The following PDPK1 variants were observed in gnomAD, a reference collection of about 807,000 sequenced individuals.
PDPK1 encodes the protein 3-phosphoinositide-dependent protein kinase 1.
PDPK1 carries 7 observed loss-of-function variants against 39.8 expected under a neutral mutation model. The observed-to-expected ratio is 0.18, with a 90% CI of 0.10 to 0.33. The LOEUF (loss-of-function observed/expected upper bound fraction) is 0.33. Among genes scored for constraint, PDPK1 ranks in the 10% least tolerant of loss-of-function variants. The pLI, the probability that PDPK1 is intolerant of heterozygous loss-of-function variation, is 1.00. For missense variants in PDPK1, 182 were observed against 384.7 expected (o/e 0.47, Z 4.41); for synonymous variants, 118 against 159.1 (o/e 0.74, Z 1.95).
rs550576606 is a variant in PDPK1 at position 2,598,993 on chromosome 16, C to T, written c.*1226C>T. On this transcript the variant is annotated 3_prime_UTR_variant, in exon 14 of 14. Transcript: ENST00000342085. ...GCTGTTGCACAGGAGGCGAGAACAG[C>T]ACACTTCAACCCCAGCTTGCTGGTC... 1 of 233,344 alleles carries T rather than the reference C, an allele frequency of 4.3e-6. No homozygotes were observed. The highest frequency in any genetic ancestry group is 2.2e-5 in the African/African-American group (1 of 45,478). The allele number at this position is 233,344 out of a possible 1,614,324, so 14.5% of individuals were successfully genotyped here.
At chr16:2,595,767 C>T (rs1176994163) in intron 11 of PDPK1, 26 bp from the exon 12 acceptor site, 2 of 1,569,312 alleles carry the variant, frequency 1.3e-6, no homozygotes, top group East Asian at 4.5e-5. Flanking sequence ...GTCATGGGAG[C>T]ATCTCTTTCT....
At chr16:2,587,464 C>CT (rs1369814481) in intron 11 of PDPK1, among the ~76,000 whole-genome samples, 1 of 152,090 alleles carries the variant, frequency 6.6e-6, no homozygotes, top group Non-Finnish European at 1.5e-5. Context: ...ATTTGTGTTT[C>CT]TTTTTTGAGG....
intron 11 of PDPK1, among the ~76,000 whole-genome samples, chr16:2,594,819 A>G (rs1031745311): frequency 6.6e-6 from 1 of 152,074 alleles, no homozygotes; most frequent in African/African-American, 2.4e-5. Flanking sequence ...CATCTCTACT[A>G]AAAATACAAA....
rs748585190 is a variant in PDPK1, at chr16:2,597,816, C to T, written c.*49C>T. 70 of 1,332,704 alleles carry T rather than the reference C, an allele frequency of 5.3e-5. No homozygotes were observed. In the East Asian group the frequency reaches 6.0e-4, roughly 11 times the overall value. 82.6% of individuals were successfully genotyped at this position (1,332,704 alleles called of 1,614,324 possible). A position where few individuals can be genotyped will look rare whatever the true frequency, so the allele number is the denominator to read the frequency against. ...TTCGCTGCCAGGACACCTGCCCCAGCGCGGCTTGGCCGCCATCCGGGACGC... is the reference window on the plus strand; with the variant it reads ...TTCGCTGCCAGGACACCTGCCCCAGTGCGGCTTGGCCGCCATCCGGGACGC... On this transcript the variant is annotated 3_prime_UTR_variant, in exon 14 of 14. Transcript: ENST00000342085. This position sits in a 1 kb window ranked among gnomAD's most constrained non-coding sequence, Gnocchi z 6.3.
rs1200077854 is a variant in PDPK1, at chr16:2,602,947, CGTT to C, written c.*5186_*5188del. On this transcript the variant is annotated 3_prime_UTR_variant, in exon 14 of 14. Coordinates refer to ENST00000342085, the MANE Select transcript of PDPK1 (RefSeq NM_002613.5). ...TGAATTGAATTCATGTTCGGGGCCA[CGTT>C]GTTGTATGTATTGATGTACAGCCTT... 12 of 231,840 alleles carry C rather than the reference CGTT, an allele frequency of 5.2e-5. No individual in the cohort carries two copies. The highest frequency in any genetic ancestry group is 1.1e-4 in the Admixed American group (2 of 17,716). 14.4% of individuals were successfully genotyped at this position (231,840 alleles called of 1,614,324 possible).
chr16:2,588,499 A>C (rs1175226450), intron 11 of PDPK1, among the ~76,000 whole-genome samples: 1 of 152,076 alleles, frequency 6.6e-6, no homozygotes, highest in Non-Finnish European at 1.5e-5. Flanking sequence ...TGTGTGTTTC[A>C]GCTCCTTTGG....
rs551293304 is a variant in PDPK1 at position 2,597,719 on chromosome 16, G to A, written c.1623G>A (p.Glu541=). ...ACAAGTGGTGCAGGAAGATCCAGGAGGTTTGGAGGCAGCGATACCAGAGCC... is the reference window on the plus strand; with the variant it reads ...ACAAGTGGTGCAGGAAGATCCAGGAAGTTTGGAGGCAGCGATACCAGAGCC... ...NAHKWCRKIQ[E]VWRQRYQSHP... The change falls in exon 14 of 14, where the codon GAG becomes GAA. Residue 541 remains glutamate (E), a synonymous_variant. Transcript: ENST00000342085. The surrounding 1 kb of genome is among the most constrained non-coding windows in gnomAD (Gnocchi z 6.3). 2 of 1,613,694 alleles carry A rather than the reference G, an allele frequency of 1.2e-6. No individual in the cohort carries two copies. The highest frequency in any genetic ancestry group is 1.7e-6 in the Non-Finnish European group (2 of 1,180,012).
chr16:2,592,862 C>A (rs1405014192), intron 11 of PDPK1: 1 of 456,636 alleles, frequency 2.2e-6, no homozygotes, highest in Non-Finnish European at 4.4e-6. Flanking sequence ...CATTGTCTCT[C>A]TCAGGGGATG....
chr16:2,595,696 A>G (rs2067087044), intron 11 of PDPK1, 97 bp from the exon 12 acceptor site: 7 of 946,418 alleles, frequency 7.4e-6, no homozygotes, highest in Non-Finnish European at 1.2e-5. Context: ...TGTGAGGGGC[A>G]GGCCGAGGCT....
chr16:2,546,032 G>T (rs1429704039), intron 1 of PDPK1, among the ~76,000 whole-genome samples: 2 of 152,064 alleles, frequency 1.3e-5, no homozygotes, highest in Admixed American at 1.3e-4. Flanking sequence ...TGTTAGATTA[G>T]GTTCAGGCTA....
chr16:2,544,081 G>C (rs946817769), intron 1 of PDPK1, among the ~76,000 whole-genome samples: 1 of 152,070 alleles, frequency 6.6e-6, no homozygotes, highest in African/African-American at 2.4e-5. Context: ...AAAAAAGTCT[G>C]TGCATGTTCA....
At position 2,600,946 on chromosome 16, in the gene PDPK1, A is replaced by G. The variant is rs2067204258; in HGVS notation, c.*3179A>G. ...ATTTTAAGCATTTTCCCATGTCATG[A>G]GTTTCTCAGAAACATGTTTTTAACA... On this transcript the variant is annotated 3_prime_UTR_variant, in exon 14 of 14. Coordinates refer to ENST00000342085, the MANE Select transcript of PDPK1 (RefSeq NM_002613.5). 1 of 227,346 alleles carries G rather than the reference A, an allele frequency of 4.4e-6. No homozygotes were observed. The highest frequency in any genetic ancestry group is 2.3e-5 in the African/African-American group (1 of 42,766). 14.1% of individuals were successfully genotyped at this position (227,346 alleles called of 1,614,324 possible). A position where few individuals can be genotyped will look rare whatever the true frequency, so the allele number is the denominator to read the frequency against.
intron 1 of PDPK1, chr16:2,538,853 A>G (rs564733995): frequency 9.3e-5 from 92 of 989,768 alleles, no homozygotes; most frequent in Middle Eastern, 3.8e-4. Context: ...TGGTGTTTCT[A>G]TATTTTCTCT....
chr16:2,598,509 G>A lies in PDPK1; in HGVS notation c.*742G>A, dbSNP rs1438155842. On this transcript the variant is annotated 3_prime_UTR_variant, in exon 14 of 14. Coordinates refer to ENST00000342085, the MANE Select transcript of PDPK1 (RefSeq NM_002613.5). Reference sequence around the variant, plus strand: ...TCCGGATCCCTTATCCTACTTAGCAGTGTTGGTCTCTGGGGCTGGAAGCCG... The same window carrying A: ...TCCGGATCCCTTATCCTACTTAGCAATGTTGGTCTCTGGGGCTGGAAGCCG... 5 of 233,592 alleles carry A rather than the reference G, an allele frequency of 2.1e-5. No individual in the cohort carries two copies. Among genetic ancestry groups the A allele is most frequent in the Non-Finnish European group, 4.2e-5 (5 of 118,376 alleles). The allele number at this position is 233,592 out of a possible 1,614,324, so 14.5% of individuals were successfully genotyped here.
chr16:2,560,240 C>T (rs569366320), intron 2 of PDPK1, among the ~76,000 whole-genome samples: 4 of 152,308 alleles, frequency 2.6e-5, no homozygotes, highest in South Asian at 2.1e-4. Flanking sequence ...TATCGGTGCT[C>T]GTTCACAATT....
At chr16:2,587,004 C>A in intron 11 of PDPK1, 111 bp downstream of exon 11, 1 of 927,984 alleles carries the variant, frequency 1.1e-6, no homozygotes. Context: ...CAGCCTTGGA[C>A]GCTTGGCCAA....
Position 2,597,999 on chromosome 16 carries a change from G to C in PDPK1, c.*232G>C, listed in dbSNP as rs995184591. On this transcript the variant is annotated 3_prime_UTR_variant, in exon 14 of 14. Coordinates refer to ENST00000342085, the MANE Select transcript of PDPK1 (RefSeq NM_002613.5). The surrounding 1 kb of genome is among the most constrained non-coding windows in gnomAD (Gnocchi z 6.3). ...TTCAGGGTCGCTTTGCTTGCTCTCT[G>C]TGCTCCGTGGAGGCCTCCGTGTGCC... 4 of 553,508 alleles carry C rather than the reference G, an allele frequency of 7.2e-6. No homozygotes were observed. Among genetic ancestry groups the C allele is most frequent in the Admixed American group, 3.2e-5 (1 of 31,442 alleles). 34.3% of individuals were successfully genotyped at this position (553,508 alleles called of 1,614,324 possible).
At position 2,602,512 on chromosome 16, in the gene PDPK1, T is replaced by C. The variant is rs892913355; in HGVS notation, c.*4745T>C. 17 of 234,814 alleles carry C rather than the reference T, an allele frequency of 7.2e-5. No individual in the cohort carries two copies. The highest frequency in any genetic ancestry group is 1.1e-4 in the Admixed American group (2 of 17,790). 14.5% of individuals were successfully genotyped at this position (234,814 alleles called of 1,614,324 possible). A position where few individuals can be genotyped will look rare whatever the true frequency, so the allele number is the denominator to read the frequency against. ...CTTTTTACAAAAGGCAGACCTTTTT[T>C]AAGCTGTGTAACCCACATAGCCTAA... is the stretch of plus-strand genomic sequence containing the variant. On this transcript the variant is annotated 3_prime_UTR_variant, in exon 14 of 14. Coordinates refer to ENST00000342085, the MANE Select transcript of PDPK1 (RefSeq NM_002613.5).
chr16:2,597,876 G>T lies in PDPK1; in HGVS notation c.*109G>T, dbSNP rs1597079924. ...ACCTGCCAGCCATCACAAGGGGAAC[G>T]CAGAGGCGGAAACCTTGCAGCATTT... On this transcript the variant is annotated 3_prime_UTR_variant, in exon 14 of 14. Coordinates refer to ENST00000342085, the MANE Select transcript of PDPK1 (RefSeq NM_002613.5). The surrounding 1 kb of genome is among the most constrained non-coding windows in gnomAD (Gnocchi z 6.3). 1 of 676,098 alleles carries T rather than the reference G, an allele frequency of 1.5e-6. No individual in the cohort carries two copies. Among genetic ancestry groups the T allele is most frequent in the African/African-American group, 1.8e-5 (1 of 55,466 alleles). The allele number at this position is 676,098 out of a possible 1,614,324, so 41.9% of individuals were successfully genotyped here.
Sources: gnomAD v4.1 joint callset for allele counts (sites outside exome capture counted in the v4.1 genomes callset) on GRCh38, gnomAD v4.1.1 for gene constraint, Gnocchi (gnomAD v3.1) non-coding constraint, MANE v1.5 for transcripts, NCBI Gene and HGNC (gene_info 2026-07-23, HGNC 2026-07-21) for gene names.